ALKBH1: variants seen among roughly 807,000 people sequenced by gnomAD.
ALKBH1 encodes the protein nucleic acid dioxygenase ALKBH1.
A neutral mutation model predicts 36.6 loss-of-function variants in ALKBH1; 31 were observed. The ratio of observed to expected loss-of-function variants is 0.85; its 90% CI spans 0.64 to 1.14. The LOEUF is 1.14. Among genes scored for constraint, ALKBH1 ranks in the 50% most tolerant of loss-of-function variants. The pLI is 0.00. For missense variants in ALKBH1, 490 were observed against 497.3 expected (o/e 0.99, Z 0.14); for synonymous variants, 183 against 186.6 (o/e 0.98, Z 0.16).
chr14:77,683,297 A>G, intron 3 of ALKBH1: 1 of 750,708 alleles, frequency 1.3e-6, no homozygotes, highest in Non-Finnish European at 2.5e-6. Flanking sequence ...GCAGGCTGGC[A>G]CTTCAGTTGA....
At chr14:77,703,500 T>G (rs1195379674) in intron 2 of ALKBH1, among the ~76,000 whole-genome samples, 1 of 151,904 alleles carries the variant, frequency 6.6e-6, no homozygotes, top group Non-Finnish European at 1.5e-5. Context: ...TTTCACCTTG[T>G]TAGCCAGGAT....
intron 2 of ALKBH1, among the ~76,000 whole-genome samples, chr14:77,697,811 G>C (rs1196821882): frequency 6.6e-6 from 1 of 151,390 alleles, no homozygotes; most frequent in Non-Finnish European, 1.5e-5. Flanking sequence ...TCAGGAATTC[G>C]AGACCAGCCT....
intron 3 of ALKBH1, among the ~76,000 whole-genome samples, chr14:77,690,077 T>C (rs1011436714): frequency 2.0e-5 from 3 of 152,064 alleles, no homozygotes; most frequent in African/African-American, 7.2e-5. Flanking sequence ...GAATGATAAG[T>C]GAAGACTTTC....
intron 3 of ALKBH1, among the ~76,000 whole-genome samples, chr14:77,693,224 A>C (rs12436651): frequency 1.3e-4 from 16 of 126,426 alleles, no homozygotes; most frequent in Admixed American, 2.5e-4. Context: ...AAAAAAAAAA[A>C]TTTTTTTTCA....
At position 77,673,192 on chromosome 14, in the gene ALKBH1, T is replaced by C. The variant is rs2080185781; in HGVS notation, c.*620A>G. On this transcript the variant is annotated 3_prime_UTR_variant, in exon 6 of 6. Transcript: ENST00000216489. Reference sequence around the variant, plus strand: ...ACATGTAGAGAAACTAAATTCCCCTTTCCTTGGGTTTACCTATATTTATCT... The same window carrying C: ...ACATGTAGAGAAACTAAATTCCCCTCTCCTTGGGTTTACCTATATTTATCT... 6.6e-6 allele frequency: 1 copy of C among 152,216 alleles called. No individual in the cohort carries two copies. The highest frequency in any genetic ancestry group is 6.5e-5 in the Admixed American group (1 of 15,272). 9.4% of individuals were successfully genotyped at this position (152,216 alleles called of 1,614,324 possible). A position where few individuals can be genotyped will look rare whatever the true frequency, so the allele number is the denominator to read the frequency against.
intron 4 of ALKBH1, 149 bp from the exon 5 acceptor site, chr14:77,675,998 C>CA: frequency 1.8e-6 from 1 of 564,480 alleles, no homozygotes; most frequent in Non-Finnish European, 2.9e-6. Context: ...CTTTTCTTTT[C>CA]TTTTTTTTTT....
At chr14:77,676,065 T>G (rs2080204118) in intron 4 of ALKBH1, among the ~76,000 whole-genome samples, 1 of 151,544 alleles carries the variant, frequency 6.6e-6, no homozygotes, top group East Asian at 1.9e-4. Context: ...GGTGTGATCA[T>G]GGCTCACTGT....
At chr14:77,675,988 C>G in intron 4 of ALKBH1, 139 bp from the exon 5 acceptor site, 1 of 697,744 alleles carries the variant, frequency 1.4e-6, no homozygotes, top group Non-Finnish European at 2.3e-6. Context: ...TCTATCCATT[C>G]TTTTCTTTTC....
intron 2 of ALKBH1, among the ~76,000 whole-genome samples, chr14:77,699,791 C>T (rs1237533981): frequency 1.3e-5 from 2 of 152,162 alleles, no homozygotes; most frequent in Non-Finnish European, 2.9e-5. Context: ...CGCGGTGGCT[C>T]ATGCCTGTAA....
At chr14:77,698,378 G>C (rs1311743299) in intron 2 of ALKBH1, among the ~76,000 whole-genome samples, 2 of 152,214 alleles carry the variant, frequency 1.3e-5, no homozygotes, top group African/African-American at 4.8e-5. Context: ...TGGTGGAAAT[G>C]AGAACATTTG....
intron 2 of ALKBH1, among the ~76,000 whole-genome samples, chr14:77,697,629 C>A (rs892644924): frequency 1.4e-5 from 2 of 146,166 alleles, no homozygotes; most frequent in Middle Eastern, 3.6e-3. Flanking sequence ...TTTGTAAATT[C>A]ATGTGCAGGT....
intron 2 of ALKBH1, among the ~76,000 whole-genome samples, chr14:77,699,369 T>C (rs2080346147): frequency 6.6e-6 from 1 of 152,246 alleles, no homozygotes; most frequent in Non-Finnish European, 1.5e-5. Flanking sequence ...AATTTAGTCA[T>C]AAATTAATGG....
chr14:77,675,748 T>C lies in ALKBH1; in HGVS notation c.648A>G (p.Ala216=). The change falls in exon 5 of 6, where the codon GCA becomes GCG. Residue 216 remains alanine, a synonymous_variant. Coordinates refer to ENST00000216489, the MANE Select transcript of ALKBH1 (RefSeq NM_006020.3). ...ACGFEDFRAE[A]GILNYYRLDS... is the part of the protein sequence containing the mutation. The stretch of plus-strand genomic sequence containing the variant: ...CCAGGCGGTAGTAATTCAGGATCCC[T>C]GCTTCAGCTCGGAAATCCTCAAATC... 6.2e-7 allele frequency: 1 copy of C among 1,614,178 alleles called. No individual in the cohort carries two copies. The highest frequency in any genetic ancestry group is 8.5e-7 in the Non-Finnish European group (1 of 1,180,030).
chr14:77,691,944 G>A (rs1393420072), intron 3 of ALKBH1: 1 of 152,082 alleles, frequency 6.6e-6, no homozygotes, highest in Non-Finnish European at 1.5e-5. Context: ...AAAAGCTCAT[G>A]GACAGGATTT....
chr14:77,695,637 G>A (rs1249024200), intron 2 of ALKBH1, among the ~76,000 whole-genome samples: 1 of 152,158 alleles, frequency 6.6e-6, no homozygotes, highest in African/African-American at 2.4e-5. Flanking sequence ...AGCTGCAGGG[G>A]TGACAGTTGC....
At chr14:77,702,269 C>G (rs926965520) in intron 2 of ALKBH1, among the ~76,000 whole-genome samples, 3 of 152,018 alleles carry the variant, frequency 2.0e-5, no homozygotes, top group African/African-American at 7.2e-5. Context: ...CCACTGCACT[C>G]CAGCCTAGGC....
At chr14:77,698,407 A>G (rs1486829831) in intron 2 of ALKBH1, among the ~76,000 whole-genome samples, 1 of 152,224 alleles carries the variant, frequency 6.6e-6, no homozygotes, top group African/African-American at 2.4e-5. Context: ...TGTTGGGGGC[A>G]TTGAAGGCTC....
chr14:77,679,565 G>T (rs1223611544), intron 4 of ALKBH1, among the ~76,000 whole-genome samples: 1 of 152,076 alleles, frequency 6.6e-6, no homozygotes. Context: ...TGAGTAGCTG[G>T]GACTGCAGGC....
intron 2 of ALKBH1, among the ~76,000 whole-genome samples, chr14:77,698,046 A>G (rs1231371988): frequency 1.3e-5 from 2 of 152,196 alleles, no homozygotes; most frequent in Non-Finnish European, 2.9e-5. Context: ...AAAGTGATAA[A>G]AAACCTTGTC....
Sources: allele counts gnomAD v4.1 joint callset (sites outside exome capture counted in the v4.1 genomes callset), GRCh38; gene constraint gnomAD v4.1.1; transcripts MANE v1.5; gene names NCBI Gene and HGNC (gene_info 2026-07-23, HGNC 2026-07-21).